Variants in FHIP1A observed in about 807,000 individuals in gnomAD.
FHIP1A encodes the protein FHF complex subunit HOOK-interacting protein 1A.
A neutral mutation model predicts 88.6 loss-of-function variants in FHIP1A; 61 were observed. The observed-to-expected ratio is 0.69, with a 90% confidence interval of 0.56 to 0.85. The LOEUF is 0.85. Among genes scored for constraint, FHIP1A ranks in the 40% least tolerant of loss-of-function variants. The probability of loss-of-function intolerance (pLI) is 0.00; values close to 1 mark genes in which losing one functional copy is unlikely to be tolerated. For missense variants in FHIP1A, 1,154 were observed against 1,273.5 expected, an observed-to-expected ratio of 0.91 and a Z score of 1.43; for synonymous variants, 478 against 496.0, an observed-to-expected ratio of 0.96 and a Z score of 0.48.
intron 10 of FHIP1A, among the ~76,000 whole-genome samples, chr4:151,647,708 A>C (rs1019266782): frequency 6.6e-6 from 1 of 152,198 alleles, no homozygotes; most frequent in Admixed American, 6.5e-5. Flanking sequence ...ATTAGTATGG[A>C]TATCTTATAT....
intron 1 of FHIP1A, among the ~76,000 whole-genome samples, chr4:151,439,502 A>C (rs1233710000): frequency 6.6e-6 from 1 of 152,146 alleles, no homozygotes; most frequent in Non-Finnish European, 1.5e-5. Flanking sequence ...TTTCAGTAGA[A>C]GTTAATGAAA....
At chr4:151,428,191 C>T (rs1733457865) in intron 1 of FHIP1A, among the ~76,000 whole-genome samples, 1 of 152,104 alleles carries the variant, frequency 6.6e-6, no homozygotes, top group South Asian at 2.1e-4. Flanking sequence ...CACATTTTTA[C>T]ATAAAATGAG....
At chr4:151,519,890 G>T (rs934559366) in intron 3 of FHIP1A, among the ~76,000 whole-genome samples, 1 of 152,000 alleles carries the variant, frequency 6.6e-6, no homozygotes, top group African/African-American at 2.4e-5. Context: ...GCACTTAGTG[G>T]CCATTCGTAT....
chr4:151,493,938 A>T (rs1490016819), intron 3 of FHIP1A, among the ~76,000 whole-genome samples: 1 of 152,194 alleles, frequency 6.6e-6, no homozygotes, highest in African/African-American at 2.4e-5. Context: ...CACTTTCACC[A>T]CTTCTATTCA....
chr4:151,523,864 A>G (rs1005045810), intron 3 of FHIP1A, among the ~76,000 whole-genome samples: 2 of 152,330 alleles, frequency 1.3e-5, no homozygotes, highest in Middle Eastern at 3.4e-3. Flanking sequence ...CTTAATTGAC[A>G]TAAGTGCAGC....
At chr4:151,535,273 G>A (rs187758544) in intron 3 of FHIP1A, among the ~76,000 whole-genome samples, 1 of 152,190 alleles carries the variant, frequency 6.6e-6, no homozygotes, top group Admixed American at 6.5e-5. Flanking sequence ...AAACCTAAAA[G>A]CAAACTAAAT....
At chr4:151,549,441 A>G (rs373796898) in intron 3 of FHIP1A, among the ~76,000 whole-genome samples, 1 of 150,948 alleles carries the variant, frequency 6.6e-6, no homozygotes. Flanking sequence ...CAGTGAGCCA[A>G]GATCACACCA....
intron 11 of FHIP1A, among the ~76,000 whole-genome samples, chr4:151,652,987 T>C (rs1437450474): frequency 2.0e-5 from 3 of 151,796 alleles, no homozygotes; most frequent in Non-Finnish European, 4.4e-5. Context: ...TTGGTAGGAG[T>C]GTGGGGAGAG....
At chr4:151,649,065 C>A (rs888537672) in intron 10 of FHIP1A, among the ~76,000 whole-genome samples, 8 of 152,140 alleles carry the variant, frequency 5.3e-5, no homozygotes, top group African/African-American at 1.9e-4. Flanking sequence ...CAGCCTTCCG[C>A]TTTAGATTCA....
intron 13 of FHIP1A, among the ~76,000 whole-genome samples, chr4:151,657,858 T>G (rs1465616350): frequency 6.6e-6 from 1 of 152,232 alleles, no homozygotes; most frequent in Admixed American, 6.5e-5. Context: ...GAAGTCCTGA[T>G]GCTGCCCCTG....
intron 3 of FHIP1A, among the ~76,000 whole-genome samples, chr4:151,515,251 A>G (rs575235331): frequency 0.14 from 17,888 of 124,330 alleles, 1,101 homozygotes; most frequent in African/African-American, 0.19. Context: ...ACAAAATTCA[A>G]CAACCTTCAT....
At chr4:151,518,715 G>A (rs1269670154) in intron 3 of FHIP1A, among the ~76,000 whole-genome samples, 2 of 131,818 alleles carry the variant, frequency 1.5e-5, no homozygotes, top group East Asian at 2.5e-4. Context: ...GTTTGAATGC[G>A]GTGGTGCAAT....
intron 3 of FHIP1A, among the ~76,000 whole-genome samples, chr4:151,512,819 C>G (rs1184604356): frequency 1.3e-5 from 2 of 152,160 alleles, no homozygotes; most frequent in Admixed American, 1.3e-4. Context: ...ACCAAGTCTA[C>G]CGCTGATTGG....
At chr4:151,633,784 G>C (rs549970137) in intron 8 of FHIP1A, among the ~76,000 whole-genome samples, 3 of 151,772 alleles carry the variant, frequency 2.0e-5, no homozygotes, top group Admixed American at 1.3e-4. Flanking sequence ...CAACAAACTA[G>C]AAATATAAAG....
intron 3 of FHIP1A, among the ~76,000 whole-genome samples, chr4:151,526,614 T>C (rs1308468239): frequency 1.4e-5 from 2 of 139,342 alleles, no homozygotes; most frequent in Non-Finnish European, 3.1e-5. Flanking sequence ...GGCGAGGGGC[T>C]GATCCCCCCA....
rs113572136 is a variant in FHIP1A, at chr4:151,625,968, C to T, written c.979-3734C>T. Among the ~76,000 whole-genome samples, 663 of 152,180 alleles carry T rather than the reference C, an allele frequency of 4.4e-3. 7 individuals are homozygous for T. Among genetic ancestry groups the T allele is most frequent in the African/African-American group, 0.014 (597 of 41,514 alleles). On this transcript the variant is annotated intron_variant, in intron 7 of 13. Transcript: ENST00000435205. ...TGAGAACTGGTGGGTGAAAGCATGG[C>T]GTAGATGATTGTGAACTGTGCTCCT...
At chr4:151,648,327 A>T (rs1182943168) in intron 10 of FHIP1A, among the ~76,000 whole-genome samples, 1 of 152,214 alleles carries the variant, frequency 6.6e-6, no homozygotes, top group East Asian at 1.9e-4. Context: ...GCATGTAGTA[A>T]GTGCGCAATA....
At chr4:151,465,128 G>T (rs1044534234) in intron 2 of FHIP1A, among the ~76,000 whole-genome samples, 2 of 152,114 alleles carry the variant, frequency 1.3e-5, no homozygotes, top group Non-Finnish European at 2.9e-5. Flanking sequence ...CCAGAAGTCC[G>T]TGGCTGCAAT....
chr4:151,661,341 C>A (rs1419077031), intron 13 of FHIP1A, among the ~76,000 whole-genome samples: 1 of 149,766 alleles, frequency 6.7e-6, no homozygotes, highest in Non-Finnish European at 1.5e-5. Context: ...TTTTCCAGTT[C>A]TTTATGGCAT....
Sources: gnomAD v4.1 joint callset for allele counts (sites outside exome capture counted in the v4.1 genomes callset) on GRCh38, gnomAD v4.1.1 for gene constraint, MANE v1.5 for transcripts, NCBI Gene and HGNC (gene_info 2026-07-23, HGNC 2026-07-21) for gene names.